The following GNA14 variants were observed in gnomAD, a reference collection of about 807,000 sequenced individuals.
GNA14 encodes the protein guanine nucleotide-binding protein subunit alpha-14.
Under a neutral mutation model 42.0 loss-of-function variants are expected in GNA14, and 50 were observed. The observed-to-expected ratio is 1.19, with a 90% CI of 0.95 to 1.51. The LOEUF (loss-of-function observed/expected upper bound fraction) is 1.51, where lower values mean the gene tolerates loss of function less well. Among genes scored for constraint, GNA14 ranks in the 40% most tolerant of loss-of-function variants. The pLI is 0.00. For missense variants in GNA14, 473 were observed against 446.2 expected (o/e 1.06, Z -0.54); for synonymous variants, 173 against 163.1 (o/e 1.06, Z -0.46).
At chr9:77,603,664 G>A (rs946969577) in intron 1 of GNA14, among the ~76,000 whole-genome samples, 2 of 151,832 alleles carry the variant, frequency 1.3e-5, no homozygotes, top group Non-Finnish European at 1.5e-5. Flanking sequence ...AATGTGTCAC[G>A]GGAGTCAAAA....
intron 2 of GNA14, among the ~76,000 whole-genome samples, chr9:77,479,227 A>C (rs1195327753): frequency 6.6e-6 from 1 of 152,194 alleles, no homozygotes; most frequent in Non-Finnish European, 1.5e-5. Context: ...ATCCAGTTTC[A>C]GCTTTCTACA....
At chr9:77,485,054 T>C (rs1432363412) in intron 2 of GNA14, among the ~76,000 whole-genome samples, 3 of 152,182 alleles carry the variant, frequency 2.0e-5, no homozygotes, top group Non-Finnish European at 4.4e-5. Flanking sequence ...AAGGCAGCAA[T>C]GAAGTTTGCC....
At chr9:77,491,060 C>G (rs7027745) in intron 2 of GNA14, among the ~76,000 whole-genome samples, 85,830 of 152,144 alleles carry the variant, frequency 0.56, 24,638 homozygotes, top group East Asian at 0.82. Flanking sequence ...AGGAGGAAGT[C>G]GAATGACATT....
At chr9:77,577,341 A>C (rs1444478087) in intron 1 of GNA14, among the ~76,000 whole-genome samples, 1 of 152,216 alleles carries the variant, frequency 6.6e-6, no homozygotes, top group East Asian at 1.9e-4. Context: ...ATGTTCCCCT[A>C]AATGAAAGTT....
intron 2 of GNA14, among the ~76,000 whole-genome samples, chr9:77,474,199 T>C (rs1003857856): frequency 2.6e-5 from 4 of 152,152 alleles, no homozygotes; most frequent in African/African-American, 7.2e-5. Context: ...AAGGAACACT[T>C]GTCAAAAAAG....
At chr9:77,633,162 G>A (rs1219566009) in intron 1 of GNA14, among the ~76,000 whole-genome samples, 1 of 152,182 alleles carries the variant, frequency 6.6e-6, no homozygotes, top group Non-Finnish European at 1.5e-5. Context: ...ACTAGGAAAA[G>A]CACTATTTTT....
chr9:77,508,513 C>T (rs1837106398), intron 2 of GNA14, among the ~76,000 whole-genome samples: 1 of 152,142 alleles, frequency 6.6e-6, no homozygotes, highest in Admixed American at 6.6e-5. Flanking sequence ...ATATGTCTTG[C>T]TGGAAATCTT....
At chr9:77,618,252 C>A (rs989022237) in intron 1 of GNA14, among the ~76,000 whole-genome samples, 1 of 152,068 alleles carries the variant, frequency 6.6e-6, no homozygotes, top group Non-Finnish European at 1.5e-5. Context: ...CTTAAAGGAT[C>A]ATTTCATTGT....
chr9:77,643,715 A>G (rs1824307100), intron 1 of GNA14, among the ~76,000 whole-genome samples: 1 of 152,218 alleles, frequency 6.6e-6, no homozygotes, highest in South Asian at 2.1e-4. Context: ...GGAATTTTAA[A>G]TCAGTTTATG....
chr9:77,442,785 G>A (rs1210096205), intron 2 of GNA14, among the ~76,000 whole-genome samples: 1 of 152,192 alleles, frequency 6.6e-6, no homozygotes, highest in Non-Finnish European at 1.5e-5. Flanking sequence ...TTTCAAATAT[G>A]TGTCCAGGGC....
rs562797561 is a variant in GNA14, at chr9:77,535,608, G to C, written c.125-6355C>G. 4.6e-5 allele frequency among the ~76,000 whole-genome samples: 7 copies of C among 152,314 alleles called. No individual in the cohort carries two copies. In the East Asian group the frequency reaches 7.7e-4, roughly 17 times the overall value. The stretch of plus-strand genomic sequence containing the variant: ...TTATGAGAGAATCAGCTAATGCTGA[G>C]AGAAATTCCAAATGACTCCCTACCT... On this transcript the variant is annotated intron_variant, in intron 1 of 6. Transcript: ENST00000341700.
intron 1 of GNA14, among the ~76,000 whole-genome samples, chr9:77,616,892 C>G (rs982807407): frequency 5.3e-5 from 8 of 151,730 alleles, no homozygotes; most frequent in African/African-American, 1.9e-4. Flanking sequence ...ATTTTTGAGG[C>G]AGAGTCTCAC....
intron 1 of GNA14, among the ~76,000 whole-genome samples, chr9:77,624,680 CCTGA>C (rs1478965269): frequency 2.0e-5 from 3 of 152,098 alleles, no homozygotes; most frequent in Non-Finnish European, 2.9e-5. Flanking sequence ...AGCAGAGGGG[CCTGA>C]CTGTTAGAAA....
At chr9:77,545,631 C>T (rs760891958) in intron 1 of GNA14, among the ~76,000 whole-genome samples, 4 of 152,134 alleles carry the variant, frequency 2.6e-5, no homozygotes, top group Non-Finnish European at 5.9e-5. Context: ...TTAAAACAGG[C>T]CTTACCATTT....
chr9:77,607,208 A>G (rs1341688), intron 1 of GNA14, among the ~76,000 whole-genome samples: 106,778 of 152,134 alleles, frequency 0.7, 37,582 homozygotes, highest in Middle Eastern at 0.76. Context: ...GTAATAATAA[A>G]TAGAACAGTT....
intron 1 of GNA14, among the ~76,000 whole-genome samples, chr9:77,632,469 C>T (rs1373391083): frequency 6.6e-6 from 1 of 152,180 alleles, no homozygotes; most frequent in East Asian, 1.9e-4. Context: ...CCTCTGTGGC[C>T]CTGTAGGGGC....
intron 2 of GNA14, among the ~76,000 whole-genome samples, chr9:77,515,966 A>AAAAAAAAAAAAAAAAC (rs1837249605): frequency 7.2e-6 from 1 of 138,738 alleles, no homozygotes; most frequent in South Asian, 2.2e-4. Flanking sequence ...CTCACAAAAA[A>AAAAAAAAAAAAAAAAC]AAAAAAAAAA....
intron 2 of GNA14, among the ~76,000 whole-genome samples, chr9:77,498,818 G>A (rs1587801037): frequency 3.3e-5 from 5 of 152,292 alleles, no homozygotes; most frequent in Admixed American, 3.3e-4. Context: ...GCTTTGCGGG[G>A]TGTGGGTGTT....
intron 1 of GNA14, among the ~76,000 whole-genome samples, chr9:77,642,006 C>T (rs1166223768): frequency 6.6e-6 from 1 of 151,996 alleles, no homozygotes; most frequent in East Asian, 1.9e-4. Flanking sequence ...AATTTTAAAT[C>T]GGTTCCAAAT....
Sources: allele counts gnomAD v4.1 joint callset (sites outside exome capture counted in the v4.1 genomes callset), GRCh38; gene constraint gnomAD v4.1.1; transcripts MANE v1.5; gene names NCBI Gene and HGNC (gene_info 2026-07-23, HGNC 2026-07-21).